Variants in NLGN1 observed in about 807,000 individuals in gnomAD.
The protein encoded by NLGN1 is neuroligin 1, also known as neuroligin-1.
NLGN1 carries 12 observed loss-of-function variants against 65.5 expected under a neutral mutation model. The observed-to-expected ratio is 0.18, with a 90% CI of 0.12 to 0.30. NLGN1 has a LOEUF of 0.30. NLGN1 is among the 10% of genes least tolerant of loss of function. NLGN1 has a pLI of 1.00. For synonymous variants in NLGN1, 350 were observed against 359.5 expected (o/e 0.97, Z 0.30); for missense variants, 750 against 1,007.1 (o/e 0.74, Z 3.46).
chr3:173,414,024 C>T lies in NLGN1; in HGVS notation c.-390+15537C>T, dbSNP rs115231348. ...GAGTCCACTGTGCACACAGAAGATC[C>T]TGGGTTCGGGAAGGTACCCCAAAGT... On this transcript the variant is annotated intron_variant, in intron 1 of 6. Coordinates refer to ENST00000457714, the Ensembl canonical transcript of NLGN1. 5.5e-3 allele frequency among the ~76,000 whole-genome samples: 842 copies of T among 152,252 alleles called. 11 individuals carry two copies. The highest frequency in any genetic ancestry group is 0.019 in the African/African-American group (802 of 41,522).
At chr3:173,731,814 T>G (rs1228497675) in intron 3 of NLGN1, among the ~76,000 whole-genome samples, 3 of 152,196 alleles carry the variant, frequency 2.0e-5, no homozygotes, top group African/African-American at 7.2e-5. Context: ...GAGATGGATT[T>G]AGGTTCTTGT....
At chr3:173,559,617 A>C (rs940103352) in intron 2 of NLGN1, among the ~76,000 whole-genome samples, 10 of 152,222 alleles carry the variant, frequency 6.6e-5, no homozygotes, top group Non-Finnish European at 1.2e-4. Context: ...CCTATATCCT[A>C]TCCAGAAGTA....
At chr3:174,261,409 T>G (rs1393667786) in intron 4 of NLGN1, among the ~76,000 whole-genome samples, 57 of 147,930 alleles carry the variant, frequency 3.9e-4, no homozygotes, top group Non-Finnish European at 6.5e-4. Context: ...ACATCCCTTG[T>G]AAGTTGGATT....
At chr3:174,167,577 G>A (rs1015262412) in intron 4 of NLGN1, among the ~76,000 whole-genome samples, 1 of 144,312 alleles carries the variant, frequency 6.9e-6, no homozygotes, top group Non-Finnish European at 1.5e-5. Flanking sequence ...GGTTCCCTTT[G>A]TATGTGATCT....
Position 174,140,894 on chromosome 3 carries a change from T to C in NLGN1, c.647-134421T>C, listed in dbSNP as rs547752992. Reference sequence around the variant, plus strand: ...TGTATAACTCTATGATTGGGAAAAATTATATTAGTTAATGACTCAATTTTG... The same window carrying C: ...TGTATAACTCTATGATTGGGAAAAACTATATTAGTTAATGACTCAATTTTG... On this transcript the variant is annotated intron_variant, in intron 4 of 6. Transcript: ENST00000457714. Among the ~76,000 whole-genome samples, 5 of 152,246 alleles carry C rather than the reference T, an allele frequency of 3.3e-5. No individual in the cohort carries two copies. The Middle Eastern group carries it at 0.017, about 525-fold the overall frequency.
At chr3:173,894,920 A>C (rs1368312741) in intron 4 of NLGN1, among the ~76,000 whole-genome samples, 1 of 146,780 alleles carries the variant, frequency 6.8e-6, no homozygotes, top group Non-Finnish European at 1.5e-5. Flanking sequence ...TACAGGCATG[A>C]GCCCCCTCAC....
intron 2 of NLGN1, among the ~76,000 whole-genome samples, chr3:173,559,290 C>G (rs1422862412): frequency 1.3e-5 from 2 of 152,198 alleles, no homozygotes; most frequent in Admixed American, 6.5e-5. Flanking sequence ...ATATGAGTCT[C>G]TTTCTGATCT....
At chr3:174,215,507 G>A (rs1737427194) in intron 4 of NLGN1, among the ~76,000 whole-genome samples, 1 of 152,134 alleles carries the variant, frequency 6.6e-6, no homozygotes, top group Non-Finnish European at 1.5e-5. Context: ...TTGCATATTA[G>A]TAGCATAAAT....
intron 3 of NLGN1, among the ~76,000 whole-genome samples, chr3:173,746,367 T>C (rs1391862111): frequency 6.6e-6 from 1 of 152,136 alleles, no homozygotes; most frequent in Non-Finnish European, 1.5e-5. Context: ...AGATAAAGTT[T>C]AAAATGCTTA....
intron 3 of NLGN1, among the ~76,000 whole-genome samples, chr3:173,754,899 A>G (rs1399624489): frequency 6.6e-6 from 1 of 152,062 alleles, no homozygotes; most frequent in African/African-American, 2.4e-5. Flanking sequence ...AATTTATACA[A>G]CAATTCCAGT....
chr3:173,671,631 CT>C (rs1470378565), intron 3 of NLGN1, among the ~76,000 whole-genome samples: 1 of 152,194 alleles, frequency 6.6e-6, no homozygotes, highest in Non-Finnish European at 1.5e-5. Flanking sequence ...TCTCCCAACA[CT>C]TTTGCATATA....
chr3:173,834,316 T>G (rs1324238799), intron 4 of NLGN1, among the ~76,000 whole-genome samples: 1 of 152,142 alleles, frequency 6.6e-6, no homozygotes, highest in African/African-American at 2.4e-5. Context: ...TCTTTATTAC[T>G]CTTTATTTTT....
rs116443267 is a variant in NLGN1, at chr3:174,204,133, A to T, written c.647-71182A>T. Among the ~76,000 whole-genome samples the T allele has an allele frequency of 2.5e-3, 377 of 152,296 alleles. 2 individuals are homozygous for T. Among genetic ancestry groups the T allele is most frequent in the African/African-American group, 8.5e-3 (354 of 41,568 alleles). ...TTTAATGAAATATGTGTTTTTCTCCAAATCTTTTTCTTTTGGAGCAGTAGG... is the reference window on the plus strand; with the variant it reads ...TTTAATGAAATATGTGTTTTTCTCCTAATCTTTTTCTTTTGGAGCAGTAGG... On this transcript the variant is annotated intron_variant, in intron 4 of 6. Coordinates refer to ENST00000457714, the Ensembl canonical transcript of NLGN1.
In NLGN1 at chr3:173,434,788, A is replaced by G. The variant is rs77686856; in HGVS notation, c.-389-222A>G. 4.6e-3 allele frequency among the ~76,000 whole-genome samples: 702 copies of G among 152,322 alleles called. 4 individuals are homozygous for G. Among genetic ancestry groups the G allele is most frequent in the African/African-American group, 0.016 (679 of 41,572 alleles). On this transcript the variant is annotated intron_variant, in intron 1 of 6. Transcript: ENST00000457714. ...TTTAAGAAGCTTTCTATTAGGCAAG[A>G]GTAGGTTCAGAATTATCTGTGAATA...
At chr3:173,700,790 T>C (rs905328895) in intron 3 of NLGN1, among the ~76,000 whole-genome samples, 6 of 152,128 alleles carry the variant, frequency 3.9e-5, no homozygotes, top group African/African-American at 1.4e-4. Flanking sequence ...ATGTGTATGT[T>C]TGAGAGAGGC....
chr3:174,094,689 C>T (rs1246770381), intron 4 of NLGN1, among the ~76,000 whole-genome samples: 1 of 135,760 alleles, frequency 7.4e-6, no homozygotes, highest in Non-Finnish European at 1.5e-5. Context: ...GATAAATATT[C>T]TTCTGTGTTT....
intron 2 of NLGN1, among the ~76,000 whole-genome samples, chr3:173,445,787 C>T (rs2148818442): frequency 6.6e-6 from 1 of 152,280 alleles, no homozygotes; most frequent in African/African-American, 2.4e-5. Flanking sequence ...TATTTTAGAA[C>T]ATCAGAAGAC....
chr3:173,908,371 A>T (rs1003609322), intron 4 of NLGN1, among the ~76,000 whole-genome samples: 11 of 152,196 alleles, frequency 7.2e-5, no homozygotes, highest in Non-Finnish European at 1.5e-5. Context: ...TAATTTTTAT[A>T]ATATCTTTAA....
chr3:174,232,480 T>G (rs2152819095), intron 4 of NLGN1, among the ~76,000 whole-genome samples: 1 of 152,298 alleles, frequency 6.6e-6, no homozygotes. Flanking sequence ...TGCTAAAAAT[T>G]ACTGACATGA....
Sources: allele counts gnomAD v4.1 joint callset (sites outside exome capture counted in the v4.1 genomes callset), GRCh38; gene constraint gnomAD v4.1.1; transcripts MANE v1.5; gene names NCBI Gene and HGNC (gene_info 2026-07-23, HGNC 2026-07-21).